PLA2G6: variants seen among roughly 807,000 people sequenced by gnomAD.
The protein encoded by PLA2G6 is phospholipase A2 group VI, also known as 85/88 kDa calcium-independent phospholipase A2.
In PLA2G6, 62 loss-of-function variants were observed where a neutral mutation model predicts 83.8. The ratio of observed to expected loss-of-function variants is 0.74; its 90% CI spans 0.60 to 0.91. The LOEUF (loss-of-function observed/expected upper bound fraction) is 0.91, where lower values mean the gene tolerates loss of function less well. Ranked by LOEUF, PLA2G6 falls within the 40% of genes least tolerant of loss-of-function variation. The probability of loss-of-function intolerance (pLI) is 0.00; values close to 1 mark genes in which losing one functional copy is unlikely to be tolerated. For synonymous variants in PLA2G6, 417 were observed against 449.8 expected (o/e 0.93, Z 0.92); for missense variants, 944 against 1,102.0 (o/e 0.86, Z 2.03).
At chr22:38,116,365 A>C (rs1437701775) in intron 12 of PLA2G6, 154 bp from the exon 13 acceptor site, 6 of 829,694 alleles carry the variant, frequency 7.2e-6, no homozygotes, top group Non-Finnish European at 1.2e-5. Context: ...TCCCCGCAAA[A>C]CAGGCTCTCT....
chr22:38,114,251 G>A (rs5750541), intron 14 of PLA2G6, among the ~76,000 whole-genome samples: 42,444 of 151,242 alleles, frequency 0.28, 7,112 homozygotes, highest in South Asian at 0.42. Flanking sequence ...CGCGATCTCG[G>A]CTCACTGCAA....
chr22:38,169,700 C>T lies in PLA2G6; in HGVS notation c.-45-229G>A, dbSNP rs185359818. 2.9e-3 allele frequency among the ~76,000 whole-genome samples: 444 copies of T among 152,342 alleles called. 2 individuals carry two copies. The highest frequency in any genetic ancestry group is 5.2e-3 in the Non-Finnish European group (355 of 68,026). On this transcript the variant is annotated intron_variant, in intron 1 of 16. Transcript: ENST00000332509. Reference sequence around the variant, plus strand: ...GGCTGGCTACCTAGAAGGCTGTCCCCCTGTGCTGCCACTGTGCACAGGTGA... The same window carrying T: ...GGCTGGCTACCTAGAAGGCTGTCCCTCTGTGCTGCCACTGTGCACAGGTGA...
chr22:38,137,140 T>G (rs2088604912), intron 5 of PLA2G6: 1 of 152,352 alleles, frequency 6.6e-6, no homozygotes, highest in Non-Finnish European at 1.5e-5. Context: ...AGTGTTCAGC[T>G]GCTGTTCTCT....
chr22:38,127,659 A>G (rs1367659210), intron 9 of PLA2G6, among the ~76,000 whole-genome samples: 3 of 152,136 alleles, frequency 2.0e-5, no homozygotes, highest in African/African-American at 7.2e-5. Flanking sequence ...CCCTCTGTTC[A>G]GGGGACCCCG....
intron 12 of PLA2G6, 91 bp downstream of exon 12, chr22:38,120,668 C>A: frequency 1.3e-6 from 2 of 1,483,248 alleles, no homozygotes; most frequent in Non-Finnish European, 1.9e-6. Context: ...CGCTCTTCCC[C>A]CTCCCTCAGC....
In PLA2G6 at chr22:38,132,693, A is replaced by G. The variant is rs2088291211; in HGVS notation, c.1077+138T>C. 5.0e-6 allele frequency: 4 copies of G among 807,816 alleles called. No individual in the cohort carries two copies. In the Admixed American group the frequency reaches 8.9e-5, roughly 18 times the overall value. 50.0% of individuals were successfully genotyped at this position (807,816 alleles called of 1,614,324 possible). A position where few individuals can be genotyped will look rare whatever the true frequency, so the allele number is the denominator to read the frequency against. On this transcript the variant is annotated intron_variant, in intron 7 of 16. Transcript: ENST00000332509. The surrounding 1 kb of genome is among the most constrained non-coding windows in gnomAD (Gnocchi z 5.0). Reference sequence around the variant, plus strand: ...TCCTGAGGGAGGAGTCAGGGTCTGAACTGAGCTTTGGGTGGGAAGATGATT... The same window carrying G: ...TCCTGAGGGAGGAGTCAGGGTCTGAGCTGAGCTTTGGGTGGGAAGATGATT...
At chr22:38,129,432 C>G (rs943747232) in intron 8 of PLA2G6, 22 bp downstream of exon 8, 1 of 1,519,934 alleles carries the variant, frequency 6.6e-7, no homozygotes, top group Non-Finnish European at 9.1e-7. Context: ...CCCACTCCAG[C>G]CCCAGAGTGC....
chr22:38,120,977 G>A, intron 11 of PLA2G6, 68 bp from the exon 12 acceptor site: 2 of 1,583,506 alleles, frequency 1.3e-6, no homozygotes, highest in Admixed American at 3.3e-5. Context: ...AGAACAGCCT[G>A]CAGAGCGCCT....
chr22:38,113,972 G>A (rs1325083810), intron 14 of PLA2G6: 1 of 453,936 alleles, frequency 2.2e-6, no homozygotes, highest in African/African-American at 2.0e-5. Context: ...GGCCAGGGGA[G>A]GAAAGGCAGA....
chr22:38,164,466 T>C (rs1166499730), intron 2 of PLA2G6, among the ~76,000 whole-genome samples: 1 of 152,206 alleles, frequency 6.6e-6, no homozygotes, highest in Admixed American at 6.5e-5. Context: ...AGTTACTACT[T>C]AGACTAGTGC....
At chr22:38,155,166 G>A (rs559751844) in intron 2 of PLA2G6, among the ~76,000 whole-genome samples, 1 of 152,006 alleles carries the variant, frequency 6.6e-6, no homozygotes, top group South Asian at 2.1e-4. Flanking sequence ...GGCAGAGCTT[G>A]CAGTGAGCGG....
chr22:38,166,391 C>T (rs774475605), intron 2 of PLA2G6, among the ~76,000 whole-genome samples: 6 of 152,060 alleles, frequency 3.9e-5, no homozygotes, highest in Admixed American at 6.6e-5. Context: ...AAAAAGACTC[C>T]AGAGCTATGA....
chr22:38,132,871 C>T lies in PLA2G6; in HGVS notation c.1037G>A (p.Arg346His), dbSNP rs772176591. 7.1e-6 allele frequency: 11 copies of T among 1,552,616 alleles called. No homozygotes were observed. The highest frequency in any genetic ancestry group is 3.9e-5 in the Admixed American group (2 of 51,562). The change falls in exon 7 of 17, where the codon CGC (arginine) becomes CAC (histidine). Residue 346 changes from arginine to histidine, a missense_variant. Arg to His is a conservative substitution (Grantham distance 29, BLOSUM62 0). Coordinates refer to ENST00000332509, the MANE Select transcript of PLA2G6 (RefSeq NM_003560.4). This position sits in a 1 kb window ranked among gnomAD's most constrained non-coding sequence, Gnocchi z 5.0. The stretch of plus-strand genomic sequence containing the variant: ...CAGCGGGGTGTTGCCGTGCTCTCCG[C>T]GGGCATCCGCGTTGGCCCCGTGGGT... ...LLTHGANADA[R>H]GEHGNTPLHL...
At chr22:38,137,974 G>C (rs2088658179) in intron 5 of PLA2G6, 1 of 152,322 alleles carries the variant, frequency 6.6e-6, no homozygotes, top group Non-Finnish European at 1.5e-5. Flanking sequence ...AGTCGATAAG[G>C]GATCTCCCTG....
At position 38,116,161 on chromosome 22, in the gene PLA2G6, AG is replaced by A; in HGVS notation, c.1792del (p.Leu598SerfsTer68). On this transcript the variant is annotated frameshift_variant, in exon 13 of 17. Coordinates refer to ENST00000332509, the MANE Select transcript of PLA2G6 (RefSeq NM_003560.4). LOFTEE classifies it high-confidence loss of function. ...TTCTGGAGCATCGTAGTTCCGGAAG[AG>A]GTGGAGTTCAGCCGGCTGCCGGTCA... Reference protein sequence around the residue: ...LSDRQPAELHLFRNYDAPETV... With the variant: ...LSDRQPAELHXFRNYDAPETV... 1 of 1,613,882 alleles carries A rather than the reference AG, an allele frequency of 6.2e-7. No individual in the cohort carries two copies. The highest frequency in any genetic ancestry group is 2.2e-5 in the East Asian group (1 of 44,876).
chr22:38,163,109 G>C lies in PLA2G6; in HGVS notation c.209+6109C>G, dbSNP rs530195418. Among the ~76,000 whole-genome samples, 6 of 152,166 alleles carry C rather than the reference G, an allele frequency of 3.9e-5. No individual in the cohort carries two copies. The South Asian group carries it at 1.2e-3, about 32-fold the overall frequency. On this transcript the variant is annotated intron_variant, in intron 2 of 16. Coordinates refer to ENST00000332509, the MANE Select transcript of PLA2G6 (RefSeq NM_003560.4). ...TGTTCTCATTCCCCAGGGACCTCAG[G>C]GGGTCCTGGACCAAAAAAAATGCCA... is the stretch of plus-strand genomic sequence containing the variant.
chr22:38,170,930 G>C (rs560924874), intron 1 of PLA2G6, among the ~76,000 whole-genome samples: 1 of 152,242 alleles, frequency 6.6e-6, no homozygotes, highest in East Asian at 1.9e-4. Context: ...CAGCACTTTG[G>C]GAGGCCGACT....
intron 2 of PLA2G6, among the ~76,000 whole-genome samples, chr22:38,151,261 T>C (rs1411762946): frequency 6.6e-6 from 1 of 152,066 alleles, no homozygotes; most frequent in Non-Finnish European, 1.5e-5. Context: ...TTTTTTTTTT[T>C]TGGAGACATG....
At chr22:38,174,547 G>A (rs2145954002) in intron 1 of PLA2G6, among the ~76,000 whole-genome samples, 1 of 152,334 alleles carries the variant, frequency 6.6e-6, no homozygotes, top group Middle Eastern at 3.4e-3. Flanking sequence ...CCCAAGACCA[G>A]TCCCTGTCTC....
Sources: allele counts gnomAD v4.1 joint callset (sites outside exome capture counted in the v4.1 genomes callset), GRCh38; gene constraint gnomAD v4.1.1; non-coding constraint Gnocchi (gnomAD v3.1); transcripts MANE v1.5; gene names NCBI Gene and HGNC (gene_info 2026-07-23, HGNC 2026-07-21).